Variants in NLGN1 observed in about 807,000 individuals in gnomAD.
The protein encoded by NLGN1 is neuroligin 1.
Under a neutral mutation model 65.5 loss-of-function variants are expected in NLGN1, and 12 were observed. That is an observed-to-expected ratio of 0.18 (90% confidence interval 0.12 to 0.30). The LOEUF (loss-of-function observed/expected upper bound fraction) is 0.30. Ranked by LOEUF, NLGN1 falls within the 10% of genes least tolerant of loss-of-function variation. NLGN1 has a pLI of 1.00. For synonymous variants in NLGN1, 350 were observed against 359.5 expected, an observed-to-expected ratio of 0.97 and a Z score of 0.30; for missense variants, 750 against 1,007.1, an observed-to-expected ratio of 0.74 and a Z score of 3.46.
chr3:173,876,602 C>G (rs1042101862), intron 4 of NLGN1, among the ~76,000 whole-genome samples: 1 of 151,962 alleles, frequency 6.6e-6, no homozygotes, highest in Non-Finnish European at 1.5e-5. Flanking sequence ...GGCAGGAAAA[C>G]ATAAGATGAG....
intron 4 of NLGN1, among the ~76,000 whole-genome samples, chr3:173,985,943 C>T (rs1158256408): frequency 1.3e-5 from 2 of 151,948 alleles, no homozygotes; most frequent in Non-Finnish European, 2.9e-5. Context: ...GAGAGAGACT[C>T]CATCTCAAAA....
chr3:173,781,144 C>CAAAAA (rs769716428), intron 3 of NLGN1, among the ~76,000 whole-genome samples: 2 of 80,386 alleles, frequency 2.5e-5, no homozygotes, highest in Non-Finnish European at 4.5e-5. Flanking sequence ...GACTCCGTCT[C>CAAAAA]AAAAAAAAAA....
At chr3:173,794,552 A>G (rs915917262) in intron 3 of NLGN1, among the ~76,000 whole-genome samples, 12 of 152,148 alleles carry the variant, frequency 7.9e-5, no homozygotes, top group African/African-American at 2.4e-4. Context: ...AGTCAGGGCA[A>G]TGGAGAGTGT....
At chr3:173,593,992 C>T (rs1577436179) in intron 2 of NLGN1, among the ~76,000 whole-genome samples, 1 of 152,188 alleles carries the variant, frequency 6.6e-6, no homozygotes, top group East Asian at 1.9e-4. Flanking sequence ...CCACTGGGTC[C>T]CCCCGACAAC....
At chr3:173,884,396 G>A (rs959612332) in intron 4 of NLGN1, among the ~76,000 whole-genome samples, 3 of 152,170 alleles carry the variant, frequency 2.0e-5, no homozygotes, top group African/African-American at 7.2e-5. Context: ...ATGAGGCACA[G>A]TAAGAATTTA....
chr3:173,818,059 T>G (rs2150513501), intron 4 of NLGN1, among the ~76,000 whole-genome samples: 1 of 152,318 alleles, frequency 6.6e-6, no homozygotes, highest in Admixed American at 6.5e-5. Context: ...TATTTAGCTT[T>G]CTTTCAGAGC....
At chr3:174,128,006 A>G (rs7620400) in intron 4 of NLGN1, among the ~76,000 whole-genome samples, 22,317 of 152,112 alleles carry the variant, frequency 0.15, 2,882 homozygotes, top group African/African-American at 0.35. Context: ...TTGTTCTGTC[A>G]TTTTCTCAAT....
At chr3:174,044,892 C>G (rs1367811717) in intron 4 of NLGN1, among the ~76,000 whole-genome samples, 3 of 152,036 alleles carry the variant, frequency 2.0e-5, no homozygotes, top group African/African-American at 7.2e-5. Flanking sequence ...GGGGTTTCCC[C>G]CTTTTGCTTG....
At chr3:173,850,622 A>T (rs758378631) in intron 4 of NLGN1, among the ~76,000 whole-genome samples, 2 of 151,960 alleles carry the variant, frequency 1.3e-5, no homozygotes, top group Non-Finnish European at 2.9e-5. Context: ...TGAAACAAAA[A>T]TTTTTCTTGC....
At chr3:173,443,779 G>A (rs566963332) in intron 2 of NLGN1, among the ~76,000 whole-genome samples, 4 of 152,158 alleles carry the variant, frequency 2.6e-5, no homozygotes, top group East Asian at 1.9e-4. Flanking sequence ...ACCCATAACC[G>A]TTAATATTGA....
At chr3:173,887,767 A>C (rs1459223605) in intron 4 of NLGN1, among the ~76,000 whole-genome samples, 1 of 151,944 alleles carries the variant, frequency 6.6e-6, no homozygotes, top group Non-Finnish European at 1.5e-5. Flanking sequence ...TCTAAAAGGG[A>C]TCTTTTCAAG....
At chr3:174,233,691 G>A (rs947272202) in intron 4 of NLGN1, among the ~76,000 whole-genome samples, 1 of 151,992 alleles carries the variant, frequency 6.6e-6, no homozygotes, top group African/African-American at 2.4e-5. Flanking sequence ...AGTCACCATG[G>A]TGTATTAGCA....
At chr3:174,178,182 G>T (rs953256096) in intron 4 of NLGN1, among the ~76,000 whole-genome samples, 1 of 152,128 alleles carries the variant, frequency 6.6e-6, no homozygotes, top group African/African-American at 2.4e-5. Context: ...AACTAGGGCA[G>T]AAGCTTTTTC....
chr3:174,095,245 T>G (rs7613819), intron 4 of NLGN1, among the ~76,000 whole-genome samples: 24,621 of 149,172 alleles, frequency 0.17, 2,302 homozygotes, highest in African/African-American at 0.24. Context: ...AACCATAAAG[T>G]TGCTTTATGA....
chr3:173,473,242 G>A (rs1413068751), intron 2 of NLGN1, among the ~76,000 whole-genome samples: 7 of 152,088 alleles, frequency 4.6e-5, no homozygotes, highest in African/African-American at 1.7e-4. Flanking sequence ...CACACAGTAC[G>A]AAAATATAGA....
intron 3 of NLGN1, among the ~76,000 whole-genome samples, chr3:173,685,226 C>G (rs912456282): frequency 6.6e-6 from 1 of 152,054 alleles, no homozygotes; most frequent in African/African-American, 2.4e-5. Context: ...ACAATAGACA[C>G]AAAATGAAAC....
At chr3:174,074,319 A>T (rs115385930) in intron 4 of NLGN1, among the ~76,000 whole-genome samples, 1 of 152,186 alleles carries the variant, frequency 6.6e-6, no homozygotes, top group Non-Finnish European at 1.5e-5. Context: ...ATGTGCTAAT[A>T]TTTATGGTTA....
chr3:173,931,883 T>C (rs1744156889), intron 4 of NLGN1, among the ~76,000 whole-genome samples: 1 of 152,140 alleles, frequency 6.6e-6, no homozygotes. Context: ...TAAGAAGCAC[T>C]GAGAGTATAA....
At chr3:174,265,778 T>TATATATATATATATAC (rs1414006373) in intron 4 of NLGN1, among the ~76,000 whole-genome samples, 3 of 113,370 alleles carry the variant, frequency 2.6e-5, no homozygotes, top group African/African-American at 1.0e-4. Flanking sequence ...TATATATATA[T>TATATATATATATATAC]ATATGTATAT....
Sources: allele counts gnomAD v4.1 joint callset (sites outside exome capture counted in the v4.1 genomes callset), GRCh38; gene constraint gnomAD v4.1.1; transcripts MANE v1.5; gene names NCBI Gene and HGNC (gene_info 2026-07-23, HGNC 2026-07-21).